The following RAB28 variants were observed in gnomAD, a reference collection of about 807,000 sequenced individuals.
RAB28 encodes the protein ras-related protein Rab-28.
A neutral mutation model predicts 31.7 loss-of-function variants in RAB28; 24 were observed. The observed-to-expected ratio is 0.76, with a 90% CI of 0.55 to 1.06. The LOEUF (loss-of-function observed/expected upper bound fraction) is 1.06, where lower values mean the gene tolerates loss of function less well. Ranked by LOEUF, RAB28 falls within the 50% of genes least tolerant of loss-of-function variation. The pLI, the probability that RAB28 is intolerant of heterozygous loss-of-function variation, is 0.00. For missense variants in RAB28, 254 were observed against 258.5 expected (o/e 0.98, Z 0.12); for synonymous variants, 100 against 90.4 (o/e 1.11, Z -0.60).
intron 4 of RAB28, among the ~76,000 whole-genome samples, chr4:13,450,100 T>C (rs1424089609): frequency 6.6e-6 from 1 of 151,856 alleles, no homozygotes; most frequent in Non-Finnish European, 1.5e-5. Flanking sequence ...GAATTTCCAC[T>C]TCATTTCAAT....
chr4:13,391,568 G>C (rs1288961728), intron 4 of RAB28, among the ~76,000 whole-genome samples: 1 of 152,070 alleles, frequency 6.6e-6, no homozygotes, highest in South Asian at 2.1e-4. Context: ...TATACCCAAA[G>C]GATTATAAAT....
intron 3 of RAB28, among the ~76,000 whole-genome samples, chr4:13,462,202 G>T (rs1294898536): frequency 6.6e-6 from 1 of 152,140 alleles, no homozygotes; most frequent in African/African-American, 2.4e-5. Context: ...GGGGTTCAGG[G>T]CCCAGCAGGG....
chr4:13,425,307 G>A (rs183880238), intron 4 of RAB28, among the ~76,000 whole-genome samples: 1 of 152,114 alleles, frequency 6.6e-6, no homozygotes, highest in Admixed American at 6.6e-5. Flanking sequence ...GCTACAATAT[G>A]AATTTTATCA....
intron 4 of RAB28, among the ~76,000 whole-genome samples, chr4:13,444,772 T>G (rs2108945001): frequency 6.6e-6 from 1 of 152,362 alleles, no homozygotes; most frequent in East Asian, 1.9e-4. Flanking sequence ...AGACCTCATC[T>G]CTTTTTAAAC....
At chr4:13,422,313 G>A (rs1354833469) in intron 4 of RAB28, among the ~76,000 whole-genome samples, 1 of 152,214 alleles carries the variant, frequency 6.6e-6, no homozygotes, top group Admixed American at 6.5e-5. Flanking sequence ...GTGTAAACTA[G>A]TTCAACCATT....
intron 4 of RAB28, among the ~76,000 whole-genome samples, chr4:13,414,587 G>C (rs545596465): frequency 5.6e-4 from 86 of 152,282 alleles, no homozygotes; most frequent in Non-Finnish European, 9.6e-4. Flanking sequence ...AACATATGGG[G>C]TATTTCCCAA....
chr4:13,476,186 A>T (rs1365470651), intron 2 of RAB28, among the ~76,000 whole-genome samples: 2 of 151,514 alleles, frequency 1.3e-5, no homozygotes, highest in South Asian at 2.1e-4. Flanking sequence ...TGTTGTGAAC[A>T]CTTTGACTGT....
intron 1 of RAB28, among the ~76,000 whole-genome samples, chr4:13,480,036 T>C (rs143291606): frequency 0.012 from 1,757 of 151,748 alleles, 13 homozygotes; most frequent in Non-Finnish European, 0.018. Context: ...TCTTTATTTT[T>C]AAAGATGCTA....
At chr4:13,420,597 T>A (rs1319933785) in intron 4 of RAB28, among the ~76,000 whole-genome samples, 1 of 151,722 alleles carries the variant, frequency 6.6e-6, no homozygotes, top group Non-Finnish European at 1.5e-5. Flanking sequence ...GCAAAGCTGG[T>A]TCAACATATG....
intron 6 of RAB28, chr4:13,370,852 GA>G: frequency 1.0e-6 from 1 of 956,640 alleles, no homozygotes; most frequent in Non-Finnish European, 1.2e-6. Flanking sequence ...TACTAAATAA[GA>G]AACTATTTAT....
At chr4:13,387,837 C>G (rs928155154) in intron 4 of RAB28, among the ~76,000 whole-genome samples, 7 of 152,108 alleles carry the variant, frequency 4.6e-5, no homozygotes, top group African/African-American at 1.7e-4. Flanking sequence ...TTTTTGAATG[C>G]CAGACAAAGT....
At chr4:13,372,967 A>T (rs1325402232) in intron 6 of RAB28, among the ~76,000 whole-genome samples, 3 of 152,154 alleles carry the variant, frequency 2.0e-5, no homozygotes, top group Non-Finnish European at 4.4e-5. Flanking sequence ...AATATCTCAG[A>T]CATGATAGAA....
At chr4:13,455,568 G>A (rs1715254962) in intron 4 of RAB28, among the ~76,000 whole-genome samples, 1 of 152,196 alleles carries the variant, frequency 6.6e-6, no homozygotes, top group African/African-American at 2.4e-5. Flanking sequence ...CACTCCAGAG[G>A]TGGCTCTCGT....
chr4:13,396,734 C>T (rs986592772), intron 4 of RAB28, among the ~76,000 whole-genome samples: 3 of 152,046 alleles, frequency 2.0e-5, no homozygotes, highest in Non-Finnish European at 4.4e-5. Context: ...TAAGATGCCT[C>T]TTATTTCCCA....
At chr4:13,447,927 A>C (rs1714779803) in intron 4 of RAB28, among the ~76,000 whole-genome samples, 1 of 152,212 alleles carries the variant, frequency 6.6e-6, no homozygotes, top group Non-Finnish European at 1.5e-5. Context: ...TGTTCAATTA[A>C]GCAACCTTAA....
At chr4:13,404,210 C>T (rs1163619828) in intron 4 of RAB28, among the ~76,000 whole-genome samples, 1 of 152,110 alleles carries the variant, frequency 6.6e-6, no homozygotes, top group South Asian at 2.1e-4. Flanking sequence ...GAAACCCCAT[C>T]TCCACTAAAA....
intron 5 of RAB28, among the ~76,000 whole-genome samples, chr4:13,376,924 C>A (rs972387559): frequency 6.6e-6 from 1 of 152,100 alleles, no homozygotes; most frequent in African/African-American, 2.4e-5. Flanking sequence ...ACAAAACAAT[C>A]CTACTTACTA....
chr4:13,377,612 G>A (rs1005622915), intron 5 of RAB28, among the ~76,000 whole-genome samples: 34 of 152,180 alleles, frequency 2.2e-4, no homozygotes, highest in East Asian at 1.9e-4. Context: ...GGACTTTGGC[G>A]TTTACTCCAA....
chr4:13,388,471 T>C (rs965519730), intron 4 of RAB28, among the ~76,000 whole-genome samples: 8 of 152,048 alleles, frequency 5.3e-5, no homozygotes, highest in Non-Finnish European at 1.0e-4. Flanking sequence ...TGGTGATTTC[T>C]TGGACATGAC....
Sources: allele counts gnomAD v4.1 joint callset (sites outside exome capture counted in the v4.1 genomes callset), GRCh38; gene constraint gnomAD v4.1.1; transcripts MANE v1.5; gene names NCBI Gene and HGNC (gene_info 2026-07-23, HGNC 2026-07-21).